ITGA2B: variants seen among roughly 807,000 people sequenced by gnomAD.
ITGA2B encodes integrin alpha-IIb.
In ITGA2B, 91 loss-of-function variants were observed where a neutral mutation model predicts 142.0. The observed-to-expected ratio is 0.64, with a 90% CI of 0.54 to 0.76. The LOEUF (loss-of-function observed/expected upper bound fraction) is 0.76, where lower values mean the gene tolerates loss of function less well. ITGA2B is among the 30% of genes least tolerant of loss of function. The probability of loss-of-function intolerance (pLI) is 0.00; values close to 1 mark genes in which losing one functional copy is unlikely to be tolerated. For missense variants in ITGA2B, 1,231 were observed against 1,350.8 expected, an observed-to-expected ratio of 0.91 and a Z score of 1.39; for synonymous variants, 536 against 567.2, an observed-to-expected ratio of 0.94 and a Z score of 0.78.
At chr17:44,373,038 CCTGA>C (rs1385369955) in intron 29 of ITGA2B, among the ~76,000 whole-genome samples, 1 of 152,172 alleles carries the variant, frequency 6.6e-6, no homozygotes, top group Non-Finnish European at 1.5e-5. Flanking sequence ...GACTACCACA[CCTGA>C]CTAATTTTTT....
rs1213359440 is a variant in ITGA2B, at chr17:44,380,500, T to G, written c.1440-10A>C. On this transcript the variant is annotated splice_polypyrimidine_tract_variant and intron_variant, in intron 14 of 29. Transcript: ENST00000262407. Reference sequence around the variant, plus strand: ...CACCACTGGCTGAGCTCTGATGGGATAGGGTGATGGGGTAGGCTTGCCATT... The same window carrying G: ...CACCACTGGCTGAGCTCTGATGGGAGAGGGTGATGGGGTAGGCTTGCCATT... 6.8e-6 allele frequency: 11 copies of G among 1,613,902 alleles called. No homozygotes were observed. In the Middle Eastern group the frequency reaches 8.2e-4, roughly 121 times the overall value.
chr17:44,386,266 G>A, intron 1 of ITGA2B, 135 bp from the exon 2 acceptor site: 1 of 1,326,686 alleles, frequency 7.5e-7, no homozygotes, highest in South Asian at 1.3e-5. Context: ...ACACCTCACA[G>A]ACCACCGTGA....
chr17:44,375,014 A>C lies in ITGA2B; in HGVS notation c.2825T>G (p.Leu942Arg). 7.7e-7 allele frequency: 1 copy of C among 1,305,640 alleles called. No individual in the cohort carries two copies. The highest frequency in any genetic ancestry group is 1.0e-6 in the Non-Finnish European group (1 of 993,864). 80.9% of individuals were successfully genotyped at this position (1,305,640 alleles called of 1,614,324 possible). ...CCACCCCACCTGGTAGAGGCTGGGC[A>C]GCCACAGGAAGGCCAGCACCGTGAC... ...AMVTVLAFLW[L>R]PSLYQRPLDQ... Residue 942 changes from leucine (L) to arginine (R), a missense_variant, in exon 27 of 30, where the codon CTG becomes CGG. Physicochemically the swap from Leu to Arg is moderately radical, Grantham distance 102. Around this residue, in one of 3 missense-constraint regions of ITGA2B, gnomAD observed 908 missense variants for 1,021.1 expected, o/e 0.89. Coordinates refer to ENST00000262407, the MANE Select transcript of ITGA2B (RefSeq NM_000419.5).
At position 44,385,158 on chromosome 17, in the gene ITGA2B, A is replaced by T. The variant is rs767165916; in HGVS notation, c.670+6T>A. On this transcript the variant is annotated splice_donor_region_variant and intron_variant, in intron 6 of 29. Transcript: ENST00000262407. ...AAGGGAGGGAGGTGTACGGATGGGC[A>T]CGTACCTAAGAAATAATAGCCGCCA... The T allele has an allele frequency of 5.0e-6, 8 of 1,614,078 alleles. No homozygotes were observed. In the South Asian group the frequency reaches 8.8e-5, roughly 18 times the overall value.
chr17:44,383,570 A>G lies in ITGA2B; in HGVS notation c.1133T>C (p.Leu378Pro). The change falls in exon 12 of 30, where the codon CTG becomes CCG. Residue 378 changes from leucine (L) to proline (P), a missense_variant. Coordinates refer to ENST00000262407, the MANE Select transcript of ITGA2B (RefSeq NM_000419.5). ...PHALGAPSLLLTGTQLYGRFG... is the reference protein window; with the variant it reads ...PHALGAPSLLPTGTQLYGRFG... ...TCGCCCATAGAGCTGTGTGCCAGTC[A>G]GCAGGAGGCTGGGGGCACCCAGCGC... 1 of 1,612,076 alleles carries G rather than the reference A, an allele frequency of 6.2e-7. No homozygotes were observed. Among genetic ancestry groups the G allele is most frequent in the Non-Finnish European group, 8.5e-7 (1 of 1,179,874 alleles).
chr17:44,376,359 A>G lies in ITGA2B; in HGVS notation c.2297T>C (p.Ile766Thr), dbSNP rs760530417. ...SKNSQNPNSK[I>T]VLLDVPVRAE... ...CCGGACCGGCACGTCCAGCAGCACA[A>G]TCTTGCTGTTTGGATTCTGGCTGTT... Residue 766 changes from isoleucine to threonine, a missense_variant, in exon 23 of 30, where the codon ATT becomes ACT. Physicochemically the swap from Ile to Thr is moderately conservative, Grantham distance 89 (BLOSUM62 -1). This residue lies in a region of ITGA2B where 908 missense variants were observed against 1,021.1 expected (regional missense o/e 0.89). Coordinates refer to ENST00000262407, the MANE Select transcript of ITGA2B (RefSeq NM_000419.5). 4.3e-6 allele frequency: 7 copies of G among 1,614,050 alleles called. No individual in the cohort carries two copies. The highest frequency in any genetic ancestry group is 1.3e-5 in the African/African-American group (1 of 74,906).
Position 44,383,631 on chromosome 17 carries a change from G to T in ITGA2B, c.1072C>A (p.Arg358Ser), listed in dbSNP as rs1026539797. 3.1e-6 allele frequency: 5 copies of T among 1,603,918 alleles called. No individual in the cohort carries two copies. Among genetic ancestry groups the T allele is most frequent in the Non-Finnish European group, 4.3e-6 (5 of 1,175,834 alleles). ...RADRKLAEVG[R>S]VYLFLQPRGP... ...CGCGGCTGCAGGAACAAATACACAC[G>T]CCCCACTTCGGCCAGTTTTCGGTCT... The change falls in exon 12 of 30, where the codon CGT becomes AGT. Residue 358 changes from arginine (R) to serine (S), a missense_variant. Transcript: ENST00000262407.
chr17:44,375,510 C>G, intron 26 of ITGA2B, 81 bp downstream of exon 26: 1 of 1,559,840 alleles, frequency 6.4e-7, no homozygotes, highest in Non-Finnish European at 8.7e-7. Context: ...CACAGCACAC[C>G]CGGACCCCTC....
chr17:44,375,238 G>T, intron 26 of ITGA2B, 127 bp from the exon 27 acceptor site: 3 of 784,658 alleles, frequency 3.8e-6, no homozygotes, highest in South Asian at 2.9e-5. Context: ...TTCCCATCAG[G>T]AAGGGCCTTG....
rs56311858 is a variant in ITGA2B at position 44,372,327 on chromosome 17, G to A, written c.*37C>T. On this transcript the variant is annotated 3_prime_UTR_variant, in exon 30 of 30. Coordinates refer to ENST00000262407, the MANE Select transcript of ITGA2B (RefSeq NM_000419.5). Reference sequence around the variant, plus strand: ...GGAGAAGGGGCGGTGCAGGTAGCACGCCCAACCCTCCTGCTAGAATAGTGT... The same window carrying A: ...GGAGAAGGGGCGGTGCAGGTAGCACACCCAACCCTCCTGCTAGAATAGTGT... 189 of 1,608,896 alleles carry A rather than the reference G, an allele frequency of 1.2e-4. No individual in the cohort carries two copies. The East Asian group carries it at 2.5e-3, about 21-fold the overall frequency.
At chr17:44,375,804 C>T (rs1377050860) in intron 25 of ITGA2B, 29 bp downstream of exon 25, 1 of 1,561,676 alleles carries the variant, frequency 6.4e-7, no homozygotes, top group Non-Finnish European at 8.7e-7. Context: ...GGGCCGCCTT[C>T]CCAGGTCTTT....
intron 27 of ITGA2B, 118 bp downstream of exon 27, chr17:44,374,880 C>G: frequency 7.9e-7 from 1 of 1,263,824 alleles, no homozygotes; most frequent in Non-Finnish European, 1.1e-6. Context: ...CTGCAATCCC[C>G]CAAAGTAAAC....
chr17:44,380,355 C>G, intron 15 of ITGA2B, 31 bp downstream of exon 15: 1 of 1,614,126 alleles, frequency 6.2e-7, no homozygotes, highest in Non-Finnish European at 8.5e-7. Flanking sequence ...GGTCCCAGAT[C>G]CTTTAAGGCC....
chr17:44,385,283 C>A lies in ITGA2B; in HGVS notation c.624+3G>T. On this transcript the variant is annotated splice_donor_region_variant and intron_variant, in intron 5 of 29. Transcript: ENST00000262407. ...CCCCACTGCGCTTTTGCTCCCTACT[C>A]GCCTGAGTGACCACGGAGCTGAAGC... The A allele has an allele frequency of 6.2e-7, 1 of 1,613,462 alleles. No individual in the cohort carries two copies.
chr17:44,379,417 AT>A (rs1299779418), intron 18 of ITGA2B, among the ~76,000 whole-genome samples: 2 of 150,306 alleles, frequency 1.3e-5, no homozygotes, highest in East Asian at 3.9e-4. Flanking sequence ...CACCCGGCTA[AT>A]TTTTTTTGTA....
At chr17:44,379,251 G>GAT (rs2048572785) in intron 18 of ITGA2B, among the ~76,000 whole-genome samples, 1 of 145,906 alleles carries the variant, frequency 6.9e-6, no homozygotes, top group African/African-American at 2.6e-5. Flanking sequence ...ACTGCGCCTG[G>GAT]CTTTTTTTTT....
intron 19 of ITGA2B, 28 bp downstream of exon 19, chr17:44,378,615 G>A (rs373003641): frequency 4.6e-5 from 72 of 1,576,540 alleles, no homozygotes; most frequent in Non-Finnish European, 5.9e-5. Flanking sequence ...AAAGGGCCAG[G>A]GTCGGGCAGA....
Position 44,374,169 on chromosome 17 carries a change from G to A in ITGA2B, c.3060+185C>T, listed in dbSNP as rs1159923764. The A allele has an allele frequency of 6.0e-6, 4 of 665,368 alleles. No individual in the cohort carries two copies. In the Admixed American group the frequency reaches 6.3e-5, roughly 10 times the overall value. 41.2% of individuals were successfully genotyped at this position (665,368 alleles called of 1,614,324 possible). A position where few individuals can be genotyped will look rare whatever the true frequency, so the allele number is the denominator to read the frequency against. ...GATCTAAACGCTTTGGCCTCCCAAA[G>A]TGCTGGGATTACAGGTGTGAGCCAC... On this transcript the variant is annotated intron_variant, in intron 29 of 29. Transcript: ENST00000262407.
intron 29 of ITGA2B, among the ~76,000 whole-genome samples, chr17:44,373,311 T>C (rs1242878529): frequency 6.6e-6 from 1 of 152,028 alleles, no homozygotes; most frequent in Non-Finnish European, 1.5e-5. Context: ...CTAATTTTTG[T>C]ATTTTTAGTA....
Sources: allele counts gnomAD v4.1 joint callset (sites outside exome capture counted in the v4.1 genomes callset), GRCh38; gene constraint gnomAD v4.1.1; regional missense constraint gnomAD v4.1.1; transcripts MANE v1.5; gene names NCBI Gene and HGNC (gene_info 2026-07-23, HGNC 2026-07-21).